SLC5A7: variants seen among roughly 807,000 people sequenced by gnomAD.
SLC5A7 encodes solute carrier family 5 member 7, also known as high affinity choline transporter 1.
Under a neutral mutation model 55.4 loss-of-function variants are expected in SLC5A7, and 19 were observed. That is an observed-to-expected ratio of 0.34 (90% CI 0.24 to 0.50). The LOEUF (loss-of-function observed/expected upper bound fraction) is 0.50, where lower values mean the gene tolerates loss of function less well. Among genes scored for constraint, SLC5A7 ranks in the 20% least tolerant of loss-of-function variants. The probability of loss-of-function intolerance (pLI) is 0.98; values close to 1 mark genes in which losing one functional copy is unlikely to be tolerated. For synonymous variants in SLC5A7, 265 were observed against 263.7 expected, an observed-to-expected ratio of 1.00 and a Z score of -0.05; for missense variants, 506 against 705.3, an observed-to-expected ratio of 0.72 and a Z score of 3.20.
At chr2:108,005,328 AT>A (rs1678064422) in intron 6 of SLC5A7, among the ~76,000 whole-genome samples, 1 of 152,124 alleles carries the variant, frequency 6.6e-6, no homozygotes, top group Admixed American at 6.5e-5. Context: ...GTGTATAAAT[AT>A]TTTTGGGTTG....
chr2:107,994,483 A>G (rs1223886131), intron 4 of SLC5A7, among the ~76,000 whole-genome samples: 1 of 152,008 alleles, frequency 6.6e-6, no homozygotes, highest in African/African-American at 2.4e-5. Flanking sequence ...CTACTCAGGA[A>G]GCTGAGGCAG....
At chr2:108,000,597 A>T (rs1157332383) in intron 5 of SLC5A7, among the ~76,000 whole-genome samples, 1 of 152,020 alleles carries the variant, frequency 6.6e-6, no homozygotes, top group Non-Finnish European at 1.5e-5. Flanking sequence ...TGTGCCTGGC[A>T]GTTTCTTTTT....
chr2:108,008,303 A>T (rs76002485), intron 7 of SLC5A7, among the ~76,000 whole-genome samples, 162 bp from the exon 8 acceptor site: 2 of 152,348 alleles, frequency 1.3e-5, no homozygotes, highest in African/African-American at 4.8e-5. Flanking sequence ...AAGCCAAGAG[A>T]TATAAGACAT....
At chr2:107,999,609 ATGT>A (rs1677807045) in intron 5 of SLC5A7, among the ~76,000 whole-genome samples, 1 of 152,278 alleles carries the variant, frequency 6.6e-6, no homozygotes, top group Admixed American at 6.5e-5. Context: ...AGACTAAATA[ATGT>A]TGTTTTCCAA....
At chr2:107,992,913 T>C (rs1034511810) in intron 3 of SLC5A7, 59 bp from the exon 4 acceptor site, 1 of 1,566,076 alleles carries the variant, frequency 6.4e-7, no homozygotes, top group Non-Finnish European at 8.7e-7. Context: ...GGCAGCATAG[T>C]AAAAGACTAT....
At position 108,001,684 on chromosome 2, in the gene SLC5A7, AAAAAAG is replaced by A. The variant is rs983218758; in HGVS notation, c.598-208_598-203del. Reference sequence around the variant, plus strand: ...CGAGACTCCGTCTCAAAAAAAAAAAAAAAAAGAAAAGAAATAGTCAATGTGTTATTT... The same window carrying A: ...CGAGACTCCGTCTCAAAAAAAAAAAAAAAAGAAATAGTCAATGTGTTATTT... On this transcript the variant is annotated intron_variant, in intron 5 of 8. Coordinates refer to ENST00000264047, the MANE Select transcript of SLC5A7 (RefSeq NM_021815.5). Among the ~76,000 whole-genome samples, 27 of 151,156 alleles carry A rather than the reference AAAAAAG, an allele frequency of 1.8e-4. No individual in the cohort carries two copies. In the East Asian group the frequency reaches 3.9e-3, roughly 22 times the overall value.
chr2:108,007,267 T>C (rs1037304045), intron 7 of SLC5A7, among the ~76,000 whole-genome samples: 10 of 152,246 alleles, frequency 6.6e-5, no homozygotes, highest in South Asian at 6.2e-4. Context: ...ACTTTGACTT[T>C]CGATTAGTAG....
At chr2:107,992,030 A>G in intron 2 of SLC5A7, 76 bp from the exon 3 acceptor site, 2 of 807,698 alleles carry the variant, frequency 2.5e-6, no homozygotes, top group Admixed American at 2.0e-5. Context: ...AACTTCTAGT[A>G]GCCACTGGTT....
chr2:108,001,875 C>T (rs1335774471), intron 5 of SLC5A7, 22 bp from the exon 6 acceptor site: 2 of 1,613,262 alleles, frequency 1.2e-6, no homozygotes, highest in East Asian at 2.2e-5. Context: ...GCCTAGGGCT[C>T]CAGTGTCACT....
At chr2:107,996,745 T>C (rs1558863215) in intron 4 of SLC5A7, among the ~76,000 whole-genome samples, 1 of 152,208 alleles carries the variant, frequency 6.6e-6, no homozygotes, top group East Asian at 1.9e-4. Context: ...ACAAACACAA[T>C]AAACAATGTT....
In SLC5A7 at chr2:108,001,672, CA is replaced by C. The variant is rs71309338; in HGVS notation, c.598-208del. On this transcript the variant is annotated intron_variant, in intron 5 of 8. Coordinates refer to ENST00000264047, the MANE Select transcript of SLC5A7 (RefSeq NM_021815.5). ...TGGGCGACAGAGCGAGACTCCGTCT[CA>C]AAAAAAAAAAAAAAAAGAAAAGAAA... 2.2e-3 allele frequency among the ~76,000 whole-genome samples: 165 copies of C among 75,406 alleles called. 3 individuals are homozygous for C. The South Asian group carries it at 0.034, about 15-fold the overall frequency. 49.5% of individuals were successfully genotyped at this position (75,406 alleles called of 152,430 possible).
chr2:107,986,989 C>T (rs752855627), intron 1 of SLC5A7, among the ~76,000 whole-genome samples: 10 of 152,010 alleles, frequency 6.6e-5, no homozygotes, highest in East Asian at 1.9e-4. Context: ...CGCAGGGGGC[C>T]GGGAGAGCAT....
intron 4 of SLC5A7, among the ~76,000 whole-genome samples, chr2:107,993,649 A>G (rs1677542966): frequency 6.6e-6 from 1 of 152,238 alleles, no homozygotes; most frequent in African/African-American, 2.4e-5. Context: ...GTTAATTGGC[A>G]TAAACACAGA....
intron 6 of SLC5A7, among the ~76,000 whole-genome samples, chr2:108,005,029 A>C (rs555168573): frequency 1.3e-5 from 2 of 152,256 alleles, no homozygotes; most frequent in African/African-American, 2.4e-5. Context: ...ATTCCAATAT[A>C]GGTATGTATA....
intron 5 of SLC5A7, among the ~76,000 whole-genome samples, chr2:108,000,519 A>C (rs1380798732): frequency 6.6e-6 from 1 of 152,052 alleles, no homozygotes. Context: ...GCTGATATTG[A>C]ACTCCTGGAC....
intron 4 of SLC5A7, among the ~76,000 whole-genome samples, chr2:107,993,767 A>G (rs1677547365): frequency 6.6e-6 from 1 of 152,236 alleles, no homozygotes; most frequent in African/African-American, 2.4e-5. Flanking sequence ...TTAAAAACAT[A>G]TATAAAACAG....
intron 7 of SLC5A7, 29 bp from the exon 8 acceptor site, chr2:108,008,434 GGT>G: frequency 6.4e-7 from 1 of 1,573,426 alleles, no homozygotes; most frequent in Non-Finnish European, 8.7e-7. Flanking sequence ...GTTCCTTGGT[GGT>G]TATAATGGTT....
chr2:107,994,016 C>T lies in SLC5A7; in HGVS notation c.448+889C>T, dbSNP rs1219388028. Among the ~76,000 whole-genome samples, 5 of 152,186 alleles carry T rather than the reference C, an allele frequency of 3.3e-5. No individual in the cohort carries two copies. In the East Asian group the frequency reaches 9.6e-4, roughly 29 times the overall value. ...CTTCTCAATAACTTACATGAGAAAG[C>T]TTGCCCATGCCTTAGCGTCTCCTCG... is the stretch of plus-strand genomic sequence containing the variant. On this transcript the variant is annotated intron_variant, in intron 4 of 8. Transcript: ENST00000264047.
At chr2:108,001,489 C>T (rs981313382) in intron 5 of SLC5A7, among the ~76,000 whole-genome samples, 4 of 151,262 alleles carry the variant, frequency 2.6e-5, no homozygotes, top group African/African-American at 7.3e-5. Context: ...CCGGCTATAA[C>T]GGTGAAACCC....
Sources: allele counts gnomAD v4.1 joint callset (sites outside exome capture counted in the v4.1 genomes callset), GRCh38; gene constraint gnomAD v4.1.1; transcripts MANE v1.5; gene names NCBI Gene and HGNC (gene_info 2026-07-23, HGNC 2026-07-21).